The following FAM53A variants were observed in gnomAD, a reference collection of about 807,000 sequenced individuals.
FAM53A encodes the protein family with sequence similarity 53 member A.
A neutral mutation model predicts 26.6 loss-of-function variants in FAM53A; 28 were observed. The observed-to-expected ratio is 1.05, with a 90% CI of 0.78 to 1.45. The LOEUF (loss-of-function observed/expected upper bound fraction) is 1.45, where lower values mean the gene tolerates loss of function less well. Among genes scored for constraint, FAM53A ranks in the 40% most tolerant of loss-of-function variants. The probability of loss-of-function intolerance (pLI) is 0.00; values close to 1 mark genes in which losing one functional copy is unlikely to be tolerated. For missense variants in FAM53A, 650 were observed against 575.8 expected (o/e 1.13, Z -1.32); for synonymous variants, 290 against 253.1 (o/e 1.15, Z -1.38).
chr4:1,597,618 G>A, the FAM53A span, among the ~76,000 whole-genome samples: 6 of 152,260 alleles, frequency 3.9e-5, no homozygotes, highest in East Asian at 5.8e-4. Context: ...CAAACCCTCC[G>A]GGGCCCCCCA....
At chr4:1,657,972 T>G (rs1193348442) in intron 2 of FAM53A, among the ~76,000 whole-genome samples, 32 of 149,574 alleles carry the variant, frequency 2.1e-4, no homozygotes, top group Non-Finnish European at 7.4e-5. Context: ...TTAAAAAATT[T>G]TTTCTGTTTT....
At chr4:1,622,874 AT>A (rs976760135) in intron 1 of FAM53A, among the ~76,000 whole-genome samples, 5 of 152,214 alleles carry the variant, frequency 3.3e-5, no homozygotes, top group African/African-American at 1.2e-4. Flanking sequence ...CAGGGACAGG[AT>A]AAGTCAGCAC....
the FAM53A span, among the ~76,000 whole-genome samples, chr4:1,604,674 C>G: frequency 6.6e-6 from 1 of 152,154 alleles, no homozygotes; most frequent in Non-Finnish European, 1.5e-5. Flanking sequence ...CTTCCTCCGA[C>G]GGACACGGCC....
the FAM53A span, among the ~76,000 whole-genome samples, chr4:1,605,549 G>A: frequency 1.3e-5 from 2 of 152,146 alleles, no homozygotes; most frequent in Admixed American, 6.5e-5. This position sits in a 1 kb window ranked among gnomAD's most constrained non-coding sequence, Gnocchi z 5.7. Context: ...TTTGAAAAGC[G>A]TGTTCTGCCA....
intron 2 of FAM53A, among the ~76,000 whole-genome samples, chr4:1,660,466 G>A (rs1177910106): frequency 6.6e-6 from 1 of 151,860 alleles, no homozygotes; most frequent in Admixed American, 6.6e-5. Flanking sequence ...GCATGAGCCT[G>A]TCATTCCAGC....
chr4:1,658,628 G>C (rs1713594855), intron 2 of FAM53A, among the ~76,000 whole-genome samples: 1 of 152,246 alleles, frequency 6.6e-6, no homozygotes, highest in African/African-American at 2.4e-5. Flanking sequence ...AGGGTCTATA[G>C]GGAGGGCACT....
chr4:1,631,651 C>T (rs1008706829), intron 1 of FAM53A, among the ~76,000 whole-genome samples: 2 of 151,926 alleles, frequency 1.3e-5, no homozygotes, highest in Non-Finnish European at 2.9e-5. Context: ...CTGAGGCACC[C>T]TACAGAAGGA....
At chr4:1,664,705 C>T (rs865970826) in intron 2 of FAM53A, among the ~76,000 whole-genome samples, 1 of 152,164 alleles carries the variant, frequency 6.6e-6, no homozygotes. Flanking sequence ...TGGCCAGGCA[C>T]GGTGGCTCAG....
At chr4:1,579,315 G>C in the FAM53A span, among the ~76,000 whole-genome samples, 1 of 151,236 alleles carries the variant, frequency 6.6e-6, no homozygotes, top group African/African-American at 2.4e-5. Flanking sequence ...CCCTGCCGCT[G>C]CGCCCACGGC....
chr4:1,634,772 C>T (rs376534810), intron 1 of FAM53A, among the ~76,000 whole-genome samples: 17 of 152,060 alleles, frequency 1.1e-4, no homozygotes, highest in South Asian at 8.3e-4. Context: ...TGGTGGTGCG[C>T]GCCTGTAATC....
chr4:1,623,259 TC>T (rs1715130277), intron 1 of FAM53A, among the ~76,000 whole-genome samples: 17 of 151,860 alleles, frequency 1.1e-4, no homozygotes, highest in Admixed American at 1.1e-3. Flanking sequence ...GGGCCCAAGC[TC>T]CCCCGACGTG....
At chr4:1,653,194 T>C (rs1275966320) in intron 4 of FAM53A, among the ~76,000 whole-genome samples, 1 of 151,176 alleles carries the variant, frequency 6.6e-6, no homozygotes, top group African/African-American at 2.4e-5. Flanking sequence ...CTCCCACCCA[T>C]CTCCCCAACA....
chr4:1,595,060 A>G, the FAM53A span, among the ~76,000 whole-genome samples: 1 of 152,174 alleles, frequency 6.6e-6, no homozygotes, highest in Non-Finnish European at 1.5e-5. Context: ...GGGACCAACC[A>G]AAGCACCATG....
intron 4 of FAM53A, among the ~76,000 whole-genome samples, chr4:1,646,039 G>C (rs1712210661): frequency 6.6e-6 from 1 of 152,088 alleles, no homozygotes; most frequent in Non-Finnish European, 1.5e-5. Context: ...TGGAAGCAGA[G>C]GGCAGGCTCT....
chr4:1,649,102 A>T (rs1712500031), intron 4 of FAM53A, among the ~76,000 whole-genome samples: 1 of 151,206 alleles, frequency 6.6e-6, no homozygotes, highest in South Asian at 2.1e-4. Context: ...AACAAGAGCA[A>T]AACAGAAAGG....
At chr4:1,581,734 A>ACC in the FAM53A span, among the ~76,000 whole-genome samples, 2 of 152,192 alleles carry the variant, frequency 1.3e-5, no homozygotes, top group African/African-American at 4.8e-5. Flanking sequence ...AACTGGGATT[A>ACC]CAGGCACCCG....
At chr4:1,576,444 G>C in the FAM53A span, among the ~76,000 whole-genome samples, 1 of 152,230 alleles carries the variant, frequency 6.6e-6, no homozygotes, top group Non-Finnish European at 1.5e-5. Context: ...GACGTGTCCT[G>C]ATAAAACATC....
the FAM53A span, among the ~76,000 whole-genome samples, chr4:1,602,665 G>A: frequency 6.6e-6 from 1 of 152,210 alleles, no homozygotes; most frequent in Non-Finnish European, 1.5e-5. Flanking sequence ...GGGCCCCTCC[G>A]CGCGCCCCCT....
At chr4:1,657,250 C>T (rs571445919) in intron 3 of FAM53A, among the ~76,000 whole-genome samples, 158 bp downstream of exon 3, 78 of 152,336 alleles carry the variant, frequency 5.1e-4, no homozygotes, top group South Asian at 2.1e-3. Flanking sequence ...CGTTGGAGGA[C>T]GGCAGCAGGG....
Sources: gnomAD v4.1 joint callset for allele counts (sites outside exome capture counted in the v4.1 genomes callset) on GRCh38, gnomAD v4.1.1 for gene constraint, Gnocchi (gnomAD v3.1) non-coding constraint, MANE v1.5 for transcripts, NCBI Gene and HGNC (gene_info 2026-07-23, HGNC 2026-07-21) for gene names.